SLC9A9: variants seen among roughly 807,000 people sequenced by gnomAD.
The protein encoded by SLC9A9 is solute carrier family 9 member A9.
A neutral mutation model predicts 77.8 loss-of-function variants in SLC9A9; 62 were observed. That is an observed-to-expected ratio of 0.80 (90% CI 0.65 to 0.98). The LOEUF is 0.98. Among genes scored for constraint, SLC9A9 ranks in the 50% least tolerant of loss-of-function variants. SLC9A9 has a pLI of 0.00. For synonymous variants in SLC9A9, 320 were observed against 283.5 expected (o/e 1.13, Z -1.29); for missense variants, 775 against 774.9 (o/e 1.00, Z 0.00).
intron 2 of SLC9A9, among the ~76,000 whole-genome samples, chr3:143,801,103 C>G (rs2008539566): frequency 6.6e-6 from 1 of 152,288 alleles, no homozygotes; most frequent in South Asian, 2.1e-4. Flanking sequence ...ATCCTTTCCC[C>G]ACTCCTCTTT....
At chr3:143,383,279 T>C (rs983177825) in intron 12 of SLC9A9, among the ~76,000 whole-genome samples, 1 of 152,246 alleles carries the variant, frequency 6.6e-6, no homozygotes, top group African/African-American at 2.4e-5. Context: ...TTCAGCCTTG[T>C]GCATTATTCC....
In SLC9A9 at chr3:143,266,869, A is replaced by C. The variant is rs1441441840; in HGVS notation, c.1771T>G (p.Tyr591Asp). 1 of 1,614,142 alleles carries C rather than the reference A, an allele frequency of 6.2e-7. No individual in the cohort carries two copies. Among genetic ancestry groups the C allele is most frequent in the Non-Finnish European group, 8.5e-7 (1 of 1,180,022 alleles). The change falls in exon 16 of 16, where the codon TAC (tyrosine) becomes GAC (aspartate). Residue 591 changes from tyrosine to aspartate, a missense_variant. Physicochemically the swap from Tyr to Asp is radical, Grantham distance 160. Transcript: ENST00000316549. ...CAGGGTGAGGAGGCTTGCTCCTGGTAATTTATGGCTAGTTCATCCTGGTTT... is the reference window on the plus strand; with the variant it reads ...CAGGGTGAGGAGGCTTGCTCCTGGTCATTTATGGCTAGTTCATCCTGGTTT... ...IVNQDELAIN[Y>D]QEQASSPCSP...
At chr3:143,729,052 C>A (rs1934737138) in intron 4 of SLC9A9, among the ~76,000 whole-genome samples, 1 of 152,120 alleles carries the variant, frequency 6.6e-6, no homozygotes, top group Non-Finnish European at 1.5e-5. Context: ...TGCCAACACC[C>A]AGTTATCCTA....
intron 4 of SLC9A9, among the ~76,000 whole-genome samples, chr3:143,762,544 G>T (rs903527447): frequency 6.6e-6 from 1 of 152,142 alleles, no homozygotes; most frequent in African/African-American, 2.4e-5. Context: ...GGTTGTTTTA[G>T]TAGTGTGGTG....
At chr3:143,764,738 T>C (rs1417751072) in intron 4 of SLC9A9, among the ~76,000 whole-genome samples, 1 of 152,110 alleles carries the variant, frequency 6.6e-6, no homozygotes, top group African/African-American at 2.4e-5. Flanking sequence ...TTTATTTATT[T>C]ATTTATCTAT....
chr3:143,738,304 A>G (rs1283819804), intron 4 of SLC9A9, among the ~76,000 whole-genome samples: 1 of 152,138 alleles, frequency 6.6e-6, no homozygotes, highest in Non-Finnish European at 1.5e-5. Context: ...GATTTCCTAC[A>G]GTCCTTTGCC....
chr3:143,608,040 A>G (rs1028692371), intron 6 of SLC9A9, among the ~76,000 whole-genome samples: 4 of 152,204 alleles, frequency 2.6e-5, no homozygotes, highest in Non-Finnish European at 4.4e-5. Flanking sequence ...ATAAAGTGTA[A>G]TATATAATGA....
At chr3:143,311,033 A>C (rs1379381071) in intron 14 of SLC9A9, among the ~76,000 whole-genome samples, 1 of 152,226 alleles carries the variant, frequency 6.6e-6, no homozygotes, top group East Asian at 1.9e-4. Context: ...CTCTGTAAAC[A>C]ACTTGATTTC....
At chr3:143,486,267 G>A (rs961236155) in intron 11 of SLC9A9, among the ~76,000 whole-genome samples, 50 of 152,122 alleles carry the variant, frequency 3.3e-4, no homozygotes, top group African/African-American at 1.2e-3. Context: ...AGTTGGGGAG[G>A]TTTCATTATC....
At chr3:143,778,996 G>T (rs1407083088) in intron 4 of SLC9A9, among the ~76,000 whole-genome samples, 1 of 152,186 alleles carries the variant, frequency 6.6e-6, no homozygotes, top group Non-Finnish European at 1.5e-5. Context: ...TCAATGACAT[G>T]AATTTATACC....
Position 143,266,914 on chromosome 3 carries a change from C to A in SLC9A9, c.1726G>T (p.Asp576Tyr). 3 of 1,613,998 alleles carry A rather than the reference C, an allele frequency of 1.9e-6. No homozygotes were observed. Among genetic ancestry groups the A allele is most frequent in the Non-Finnish European group, 1.7e-6 (2 of 1,179,922 alleles). Residue 576 changes from aspartate to tyrosine, a missense_variant, in exon 16 of 16, where the codon GAT (aspartate) becomes TAT (tyrosine). By Grantham distance (160) the Asp-to-Tyr change is radical. Coordinates refer to ENST00000316549, the MANE Select transcript of SLC9A9 (RefSeq NM_173653.4). ...PQAYGEQLKE[D>Y]DVECIVNQDE... The stretch of plus-strand genomic sequence containing the variant: ...TGGTTTACAATGCATTCCACATCAT[C>A]CTCTTTTAGCTGTTCCTGGTTGGGA...
intron 2 of SLC9A9, among the ~76,000 whole-genome samples, chr3:143,804,786 A>G (rs2121773): frequency 1.3e-5 from 2 of 152,132 alleles, no homozygotes; most frequent in African/African-American, 4.8e-5. Context: ...CTATTGCTCT[A>G]GGTACTGGAA....
intron 12 of SLC9A9, among the ~76,000 whole-genome samples, chr3:143,443,078 C>A (rs2034776707): frequency 6.6e-6 from 1 of 151,470 alleles, no homozygotes. Context: ...CTTTTGAATC[C>A]TCTGTAGCCT....
intron 5 of SLC9A9, among the ~76,000 whole-genome samples, chr3:143,657,782 A>G (rs1291599352): frequency 6.6e-6 from 1 of 152,202 alleles, no homozygotes; most frequent in Non-Finnish European, 1.5e-5. Flanking sequence ...TAACATGTAA[A>G]TGTTTTATGA....
intron 5 of SLC9A9, among the ~76,000 whole-genome samples, chr3:143,674,410 G>A (rs1576651065): frequency 6.6e-6 from 1 of 152,114 alleles, no homozygotes; most frequent in East Asian, 1.9e-4. Context: ...ATTAGTTTAT[G>A]AGACATCCCT....
At chr3:143,330,156 G>A (rs749538749) in intron 14 of SLC9A9, among the ~76,000 whole-genome samples, 1 of 152,210 alleles carries the variant, frequency 6.6e-6, no homozygotes, top group Non-Finnish European at 1.5e-5. Flanking sequence ...ATCGGCAGGA[G>A]CAGTGAAGAG....
chr3:143,566,768 C>T (rs1181385160), intron 8 of SLC9A9, among the ~76,000 whole-genome samples: 1 of 152,078 alleles, frequency 6.6e-6, no homozygotes, highest in Non-Finnish European at 1.5e-5. Context: ...AATCATTAGA[C>T]ATGGTGTCAA....
intron 4 of SLC9A9, among the ~76,000 whole-genome samples, chr3:143,715,025 T>C (rs986322199): frequency 6.6e-6 from 1 of 152,254 alleles, no homozygotes; most frequent in East Asian, 1.9e-4. Context: ...TTTTGCCTGC[T>C]GTCATCCGTG....
chr3:143,274,019 C>T (rs1226894047), intron 14 of SLC9A9, among the ~76,000 whole-genome samples: 2 of 152,160 alleles, frequency 1.3e-5, no homozygotes, highest in East Asian at 3.9e-4. Flanking sequence ...TGGTCTCTGC[C>T]AGTTGTTGCA....
Sources: allele counts gnomAD v4.1 joint callset (sites outside exome capture counted in the v4.1 genomes callset), GRCh38; gene constraint gnomAD v4.1.1; transcripts MANE v1.5; gene names NCBI Gene and HGNC (gene_info 2026-07-23, HGNC 2026-07-21).